Variants in RYR2 observed in about 807,000 individuals in gnomAD.
RYR2 encodes ryanodine receptor 2.
A neutral mutation model predicts 601.1 loss-of-function variants in RYR2; 227 were observed. The ratio of observed to expected loss-of-function variants is 0.38; its 90% CI spans 0.34 to 0.42. RYR2 has a LOEUF of 0.42. Among genes scored for constraint, RYR2 ranks in the 10% least tolerant of loss-of-function variants. The probability of loss-of-function intolerance (pLI) is 1.00; values close to 1 mark genes in which losing one functional copy is unlikely to be tolerated. For synonymous variants in RYR2, 2,223 were observed against 2,175.1 expected, an observed-to-expected ratio of 1.02 and a Z score of -0.61; for missense variants, 4,646 against 6,156.5, an observed-to-expected ratio of 0.75 and a Z score of 8.21.
chr1:237,215,774 T>C (rs1437511109), intron 1 of RYR2, among the ~76,000 whole-genome samples: 3 of 152,172 alleles, frequency 2.0e-5, no homozygotes, highest in African/African-American at 7.2e-5. Flanking sequence ...ATAAATAGTT[T>C]GGGGGATCAA....
intron 36 of RYR2, among the ~76,000 whole-genome samples, chr1:237,611,791 T>C (rs1401417746): frequency 2.0e-5 from 3 of 152,214 alleles, no homozygotes; most frequent in Non-Finnish European, 2.9e-5. Context: ...TCCATTTTTA[T>C]ATCTTTAGAT....
At position 237,649,991 on chromosome 1, in the gene RYR2, T is replaced by A; in HGVS notation, c.7627T>A (p.Ser2543Thr). 1 of 1,613,980 alleles carries A rather than the reference T, an allele frequency of 6.2e-7. No individual in the cohort carries two copies. Among genetic ancestry groups the A allele is most frequent in the Non-Finnish European group, 8.5e-7 (1 of 1,179,860 alleles). ...PLFAGTEHHA[S>T]LIDSLLHTVY... Reference sequence around the variant, plus strand: ...CTTTGCTGGCACAGAGCACCACGCTTCTCTCATTGACTCATTACTTCATAC... The same window carrying A: ...CTTTGCTGGCACAGAGCACCACGCTACTCTCATTGACTCATTACTTCATAC... The change falls in exon 50 of 105, where the codon TCT becomes ACT. Residue 2543 changes from serine (S) to threonine (T), a missense_variant. Ser to Thr is a moderately conservative substitution (Grantham distance 58). This residue lies in a region of RYR2 where 1,497 missense variants were observed against 1,842.6 expected (regional missense o/e 0.81). Transcript: ENST00000366574.
At chr1:237,373,341 A>G (rs1358102390) in intron 6 of RYR2, among the ~76,000 whole-genome samples, 1 of 152,174 alleles carries the variant, frequency 6.6e-6, no homozygotes, top group Non-Finnish European at 1.5e-5. Context: ...TCACATCCCC[A>G]TGGCACTGAA....
chr1:237,185,748 G>A (rs1679274833), intron 1 of RYR2, among the ~76,000 whole-genome samples: 1 of 152,088 alleles, frequency 6.6e-6, no homozygotes, highest in Non-Finnish European at 1.5e-5. Context: ...AATTCTCAAG[G>A]CTATTATCTC....
intron 98 of RYR2, among the ~76,000 whole-genome samples, chr1:237,803,790 CA>C (rs1660290492): frequency 6.6e-6 from 1 of 152,146 alleles, no homozygotes; most frequent in Admixed American, 6.5e-5. Flanking sequence ...TTTCTCCCTC[CA>C]ATGCATGTAT....
chr1:237,378,654 A>G (rs1259273702), intron 8 of RYR2, among the ~76,000 whole-genome samples: 1 of 152,238 alleles, frequency 6.6e-6, no homozygotes, highest in Non-Finnish European at 1.5e-5. Context: ...AATGTAGTTC[A>G]TGTGTTACTG....
intron 56 of RYR2, among the ~76,000 whole-genome samples, chr1:237,664,259 A>G (rs1684078712): frequency 6.6e-6 from 1 of 152,228 alleles, no homozygotes; most frequent in South Asian, 2.1e-4. Flanking sequence ...GGAATGGTGC[A>G]TTCATTCCTT....
Position 237,634,973 on chromosome 1 carries a change from G to T in RYR2, c.6773G>T (p.Arg2258Leu). 6.3e-7 allele frequency: 1 copy of T among 1,599,362 alleles called. No homozygotes were observed. Among genetic ancestry groups the T allele is most frequent in the Non-Finnish European group, 8.5e-7 (1 of 1,172,302 alleles). Reference sequence around the variant, plus strand: ...AATAATGAACTAGCATTAGCTCTGCGTGAGCCGGATCTAGAAAAGGTGAGC... The same window carrying T: ...AATAATGAACTAGCATTAGCTCTGCTTGAGCCGGATCTAGAAAAGGTGAGC... ...MDNNELALAL[R>L]EPDLEKVVRY... Residue 2258 changes from arginine (R) to leucine (L), a missense_variant, in exon 44 of 105, where the codon CGT becomes CTT. Transcript: ENST00000366574.
intron 12 of RYR2, among the ~76,000 whole-genome samples, chr1:237,424,007 G>A (rs1021963028): frequency 3.1e-4 from 47 of 152,008 alleles, no homozygotes; most frequent in Non-Finnish European, 4.0e-4. Flanking sequence ...GAGTGTGAAG[G>A]AGAAAGCGTC....
intron 1 of RYR2, among the ~76,000 whole-genome samples, chr1:237,088,221 G>A (rs1181633952): frequency 6.6e-6 from 1 of 152,062 alleles, no homozygotes; most frequent in Non-Finnish European, 1.5e-5. Flanking sequence ...TGTCTGGCAT[G>A]TTTGCATTTG....
At chr1:237,281,905 G>A (rs1690915219) in intron 2 of RYR2, among the ~76,000 whole-genome samples, 1 of 152,182 alleles carries the variant, frequency 6.6e-6, no homozygotes, top group Admixed American at 6.5e-5. Context: ...TTAAGTGAAT[G>A]TTTGTGAAAA....
chr1:237,761,012 G>A lies in RYR2; in HGVS notation c.11460G>A (p.Val3820=). 1 of 1,576,024 alleles carries A rather than the reference G, an allele frequency of 6.3e-7. No individual in the cohort carries two copies. Among genetic ancestry groups the A allele is most frequent in the South Asian group, 1.2e-5 (1 of 85,952 alleles). ...RQNKAEGLGM[V]TEEGSGEKVL... is the part of the protein sequence containing the mutation. ...ACAAAGCTGAAGGTCTTGGGATGGT[G>A]ACAGAGGAAGGATCAGGTATTAATG... The change falls in exon 84 of 105, where the codon GTG becomes GTA. Residue 3820 remains valine (V), a synonymous_variant. Coordinates refer to ENST00000366574, the MANE Select transcript of RYR2 (RefSeq NM_001035.3).
chr1:237,072,359 A>G (rs1041986852), intron 1 of RYR2, among the ~76,000 whole-genome samples: 1 of 152,154 alleles, frequency 6.6e-6, no homozygotes, highest in Non-Finnish European at 1.5e-5. Flanking sequence ...TCCACTTTCC[A>G]CTGATCAGGG....
chr1:237,351,752 A>G (rs971755705), intron 3 of RYR2, among the ~76,000 whole-genome samples: 3 of 151,306 alleles, frequency 2.0e-5, no homozygotes, highest in Admixed American at 6.6e-5. Context: ...CACCAAACAT[A>G]TAAGGAAACA....
chr1:237,812,888 GT>G (rs1180867578), intron 100 of RYR2, among the ~76,000 whole-genome samples: 1 of 95,798 alleles, frequency 1.0e-5, no homozygotes, highest in African/African-American at 5.2e-5. Context: ...AGAGAAAAAT[GT>G]ATAAGTTTTT....
chr1:237,123,677 T>C (rs1296662009), intron 1 of RYR2, among the ~76,000 whole-genome samples: 1 of 118,734 alleles, frequency 8.4e-6, no homozygotes, highest in Non-Finnish European at 1.8e-5. Context: ...TTTTTTTTTT[T>C]TGAGACGGAG....
At chr1:237,748,559 G>C (rs1028625340) in intron 80 of RYR2, among the ~76,000 whole-genome samples, 3 of 152,152 alleles carry the variant, frequency 2.0e-5, no homozygotes, top group African/African-American at 4.8e-5. Context: ...TACACTGTGT[G>C]GGGGCAGTCA....
At chr1:237,703,613 A>T (rs886321044) in intron 66 of RYR2, among the ~76,000 whole-genome samples, 2 of 147,986 alleles carry the variant, frequency 1.4e-5, no homozygotes, top group African/African-American at 4.9e-5. Context: ...ACATATATAT[A>T]TATATAAAAT....
chr1:237,791,327 G>T, intron 92 of RYR2, 102 bp from the exon 93 acceptor site: 2 of 700,124 alleles, frequency 2.9e-6, no homozygotes, highest in South Asian at 1.6e-5. Context: ...GTAGGCTTGC[G>T]ATCAATTGTT....
Sources: allele counts gnomAD v4.1 joint callset (sites outside exome capture counted in the v4.1 genomes callset), GRCh38; gene constraint gnomAD v4.1.1; regional missense constraint gnomAD v4.1.1; transcripts MANE v1.5; gene names NCBI Gene and HGNC (gene_info 2026-07-23, HGNC 2026-07-21).